DNAH5: variants seen among roughly 807,000 people sequenced by gnomAD.
DNAH5 encodes axonemal beta dynein heavy chain 5.
In DNAH5, 372 loss-of-function variants were observed where a neutral mutation model predicts 518.2. That is an observed-to-expected ratio of 0.72 (90% CI 0.66 to 0.78). The LOEUF (loss-of-function observed/expected upper bound fraction) is 0.78. Among genes scored for constraint, DNAH5 ranks in the 30% least tolerant of loss-of-function variants. The probability of loss-of-function intolerance (pLI) is 0.00; values close to 1 mark genes in which losing one functional copy is unlikely to be tolerated. For missense variants in DNAH5, 5,523 were observed against 5,687.0 expected (o/e 0.97, Z 0.93); for synonymous variants, 2,039 against 2,025.9 (o/e 1.01, Z -0.17).
chr5:13,731,476 C>T (rs975638732), intron 68 of DNAH5, among the ~76,000 whole-genome samples: 2 of 152,086 alleles, frequency 1.3e-5, no homozygotes, highest in African/African-American at 4.8e-5. Context: ...CCTGCCGGCT[C>T]CCAAAGTACA....
chr5:13,841,118 C>T lies in DNAH5; in HGVS notation c.5497G>A (p.Gly1833Arg). The T allele has an allele frequency of 6.2e-7, 1 of 1,613,486 alleles. No homozygotes were observed. The highest frequency in any genetic ancestry group is 1.7e-5 in the Admixed American group (1 of 60,022). Residue 1833 changes from glycine (G) to arginine (R), a missense_variant, in exon 34 of 79, where the codon GGA (glycine) becomes AGA (arginine). By Grantham distance (125) the Gly-to-Arg change is moderately radical. Coordinates refer to ENST00000265104, the MANE Select transcript of DNAH5 (RefSeq NM_001369.3). The stretch of plus-strand genomic sequence containing the variant: ...TCCCGTGTCCATATCATCTGAATTC[C>T]TAATAATCCAACCTTATGGAAATAA... ...SSFPAQVGLL[G>R]IQMIWTRDSE...
chr5:13,840,880 T>A, intron 34 of DNAH5, 26 bp downstream of exon 34: 2 of 1,596,274 alleles, frequency 1.3e-6, no homozygotes, highest in Non-Finnish European at 1.7e-6. Flanking sequence ...TTTCTCTACA[T>A]GCCACAGCAT....
intron 53 of DNAH5, 139 bp downstream of exon 53, chr5:13,780,690 G>A: frequency 1.0e-6 from 1 of 953,164 alleles, no homozygotes; most frequent in Non-Finnish European, 1.6e-6. Context: ...GTTGACAGGG[G>A]AAGATGATAA....
chr5:13,808,065 A>C (rs1759928039), intron 46 of DNAH5, among the ~76,000 whole-genome samples: 1 of 151,868 alleles, frequency 6.6e-6, no homozygotes. Context: ...CCCCATCTGT[A>C]CTAAAAATAC....
At chr5:13,988,141 A>T (rs1783193539) in intron 1 of DNAH5, among the ~76,000 whole-genome samples, 1 of 152,348 alleles carries the variant, frequency 6.6e-6, no homozygotes, top group Admixed American at 6.5e-5. Flanking sequence ...TTACTATGCT[A>T]TCATCTGAGA....
chr5:13,751,069 T>C lies in DNAH5; in HGVS notation c.11211+9A>G. On this transcript the variant is annotated intron_variant, in intron 65 of 78. Coordinates refer to ENST00000265104, the MANE Select transcript of DNAH5 (RefSeq NM_001369.3). ...AATGCAGAATGGGAGGGAGCCACAC[T>C]TCACTCACCTGCTTCTCTGTGAGAA... is the stretch of plus-strand genomic sequence containing the variant. 6.2e-7 allele frequency: 1 copy of C among 1,613,764 alleles called. No individual in the cohort carries two copies. The highest frequency in any genetic ancestry group is 8.5e-7 in the Non-Finnish European group (1 of 1,179,768).
intron 30 of DNAH5, among the ~76,000 whole-genome samples, chr5:13,856,905 A>G (rs1038035549): frequency 6.6e-6 from 1 of 152,202 alleles, no homozygotes; most frequent in African/African-American, 2.4e-5. Flanking sequence ...AGCCAATATC[A>G]TACTGAATAG....
chr5:13,737,998 G>A (rs1352591068), intron 65 of DNAH5, among the ~76,000 whole-genome samples: 2 of 151,946 alleles, frequency 1.3e-5, no homozygotes, highest in African/African-American at 4.8e-5. Flanking sequence ...GGGAGGCAGA[G>A]GTTGCAGTGA....
In DNAH5 at chr5:13,716,503, T is replaced by C; in HGVS notation, c.12893A>G (p.Tyr4298Cys). 1 of 1,613,216 alleles carries C rather than the reference T, an allele frequency of 6.2e-7. No individual in the cohort carries two copies. Among genetic ancestry groups the C allele is most frequent in the East Asian group, 2.2e-5 (1 of 44,840 alleles). ...TTGACAAACCTGGATATACTGAAGATAGTTATCCACTGTGCTGCATTTTGG... is the reference window on the plus strand; with the variant it reads ...TTGACAAACCTGGATATACTGAAGACAGTTATCCACTGTGCTGCATTTTGG... ...NIPKCSTVDN[Y>C]LQYIQSLPAY... Residue 4298 changes from tyrosine to cysteine, a missense_variant, in exon 74 of 79, where the codon TAT becomes TGT. By Grantham distance (194) the Tyr-to-Cys change is radical. This residue lies in a region of DNAH5 where 387 missense variants were observed against 430.0 expected (regional missense o/e 0.90). Coordinates refer to ENST00000265104, the MANE Select transcript of DNAH5 (RefSeq NM_001369.3).
chr5:13,993,977 C>T (rs570406500), intron 1 of DNAH5, among the ~76,000 whole-genome samples: 1 of 152,372 alleles, frequency 6.6e-6, no homozygotes, highest in South Asian at 2.1e-4. Flanking sequence ...GACAGCAGAC[C>T]TCCTCAGAGG....
Position 13,818,961 on chromosome 5 carries a change from T to C in DNAH5, c.6842-1267A>G, listed in dbSNP as rs146115778. ...ACTACTAAAACCAAAACCAAGTTCA[T>C]AAACAGCAAATAGTCTAATGATTAA... On this transcript the variant is annotated intron_variant, in intron 41 of 78. Transcript: ENST00000265104. 6.8e-4 allele frequency among the ~76,000 whole-genome samples: 104 copies of C among 152,342 alleles called. 1 individual carries two copies. Among genetic ancestry groups the C allele is most frequent in the African/African-American group, 2.5e-3 (103 of 41,574 alleles).
At chr5:13,994,603 T>C (rs1468360343) in intron 1 of DNAH5, among the ~76,000 whole-genome samples, 1 of 152,096 alleles carries the variant, frequency 6.6e-6, no homozygotes, top group Non-Finnish European at 1.5e-5. Flanking sequence ...AATAAGGTTA[T>C]CTCATTCTTC....
At chr5:13,981,679 T>G (rs1314515154) in intron 1 of DNAH5, among the ~76,000 whole-genome samples, 5 of 152,258 alleles carry the variant, frequency 3.3e-5, no homozygotes, top group Non-Finnish European at 7.3e-5. Context: ...TGGGGATGTC[T>G]GAATGGCTGT....
intron 55 of DNAH5, among the ~76,000 whole-genome samples, chr5:13,773,446 A>G (rs1753625839): frequency 6.6e-6 from 1 of 152,198 alleles, no homozygotes; most frequent in Non-Finnish European, 1.5e-5. Context: ...TGATTAAAGC[A>G]TGTTCAGAGG....
intron 70 of DNAH5, among the ~76,000 whole-genome samples, chr5:13,724,888 C>A (rs567449465): frequency 5.3e-5 from 8 of 152,234 alleles, no homozygotes; most frequent in African/African-American, 1.9e-4. Context: ...CCCCATGCTT[C>A]CTGTACAACC....
chr5:13,795,741 CA>C (rs1757723615), intron 47 of DNAH5, among the ~76,000 whole-genome samples: 1 of 61,078 alleles, frequency 1.6e-5, no homozygotes, highest in Admixed American at 1.8e-4. Context: ...GGCAGAGTCA[CA>C]ACAAAAAAAG....
At position 13,792,034 on chromosome 5, in the gene DNAH5, C is replaced by T; in HGVS notation, c.8408G>A (p.Gly2803Glu). 1 of 1,613,972 alleles carries T rather than the reference C, an allele frequency of 6.2e-7. No homozygotes were observed. The highest frequency in any genetic ancestry group is 1.1e-5 in the South Asian group (1 of 91,068). Reference sequence around the variant, plus strand: ...GACCTCTGAAGTAGTGTTCAGCATTCCCTGCCAGACCCGAGAAAGATCTCG... The same window carrying T: ...GACCTCTGAAGTAGTGTTCAGCATTTCCTGCCAGACCCGAGAAAGATCTCG... ...NLRDLSRVWQGMLNTTSEVIK... is the reference protein window; with the variant it reads ...NLRDLSRVWQEMLNTTSEVIK... Residue 2803 changes from glycine to glutamate, a missense_variant, in exon 50 of 79, where the codon GGA becomes GAA. Gly to Glu is a moderately conservative substitution (Grantham distance 98). Around this residue, in one of 3 missense-constraint regions of DNAH5, gnomAD observed 5,121 missense variants for 5,223.3 expected, o/e 0.98. Coordinates refer to ENST00000265104, the MANE Select transcript of DNAH5 (RefSeq NM_001369.3).
chr5:13,776,372 G>A (rs753073017), intron 55 of DNAH5, 67 bp downstream of exon 55: 2 of 1,602,612 alleles, frequency 1.2e-6, no homozygotes, highest in East Asian at 2.2e-5. Context: ...GAGCCTTCAA[G>A]CATCCCTGAA....
At chr5:13,757,338 C>A (rs1445573191) in intron 61 of DNAH5, among the ~76,000 whole-genome samples, 1 of 152,178 alleles carries the variant, frequency 6.6e-6, no homozygotes, top group Non-Finnish European at 1.5e-5. Flanking sequence ...TATAAGCATT[C>A]TTTTTCTCCG....
Sources: gnomAD v4.1 joint callset for allele counts (sites outside exome capture counted in the v4.1 genomes callset) on GRCh38, gnomAD v4.1.1 for gene constraint, gnomAD v4.1.1 regional missense constraint, MANE v1.5 for transcripts, NCBI Gene and HGNC (gene_info 2026-07-23, HGNC 2026-07-21) for gene names.